Variants in URI1 observed in about 807,000 individuals in gnomAD.
The protein encoded by URI1 is URI1 prefoldin like chaperone, also known as unconventional prefoldin RPB5 interactor 1.
Under a neutral mutation model 60.2 loss-of-function variants are expected in URI1, and 39 were observed. The observed-to-expected ratio is 0.65, with a 90% CI of 0.50 to 0.85. The LOEUF (loss-of-function observed/expected upper bound fraction) is 0.85. URI1 is among the 40% of genes least tolerant of loss of function. The probability of loss-of-function intolerance (pLI) is 0.00; values close to 1 mark genes in which losing one functional copy is unlikely to be tolerated. For synonymous variants in URI1, 251 were observed against 236.8 expected (o/e 1.06, Z -0.55); for missense variants, 691 against 665.9 (o/e 1.04, Z -0.42).
At chr19:29,947,036 A>G (rs560296702) in intron 1 of URI1, among the ~76,000 whole-genome samples, 4 of 152,284 alleles carry the variant, frequency 2.6e-5, no homozygotes, top group African/African-American at 7.2e-5. Flanking sequence ...GCCATCAGAG[A>G]GGGCTTCTCT....
At chr19:29,997,242 A>G (rs916969705) in intron 4 of URI1, among the ~76,000 whole-genome samples, 4 of 152,120 alleles carry the variant, frequency 2.6e-5, no homozygotes, top group Non-Finnish European at 4.4e-5. Flanking sequence ...TCAATATGCT[A>G]CTTGTTACAA....
intron 1 of URI1, among the ~76,000 whole-genome samples, chr19:29,932,745 G>A (rs931962740): frequency 5.3e-5 from 8 of 150,716 alleles, no homozygotes; most frequent in African/African-American, 9.8e-5. Flanking sequence ...TCTGCCTCCC[G>A]GGTTCAAGCA....
rs10717602 is a variant in URI1, at chr19:29,975,500, C to CTT, written c.152+4293_152+4294dup. 1.3e-3 allele frequency among the ~76,000 whole-genome samples: 96 copies of CTT among 72,346 alleles called. 2 individuals carry two copies. The highest frequency in any genetic ancestry group is 4.8e-3 in the African/African-American group (93 of 19,558). The allele number at this position is 72,346 out of a possible 152,430, so 47.5% of individuals were successfully genotyped here. A position where few individuals can be genotyped will look rare whatever the true frequency, so the allele number is the denominator to read the frequency against. Reference sequence around the variant, plus strand: ...GTCCCCTAATTCTCAGTTCTGTTTACTTTTTTTTTTTTTTTTTTTTTGAGA... The same window carrying CTT: ...GTCCCCTAATTCTCAGTTCTGTTTACTTTTTTTTTTTTTTTTTTTTTTTGAGA... On this transcript the variant is annotated intron_variant, in intron 2 of 10. Transcript: ENST00000392271.
chr19:29,978,672 C>G (rs2055555467), intron 2 of URI1, among the ~76,000 whole-genome samples: 8 of 152,032 alleles, frequency 5.3e-5, no homozygotes, highest in Admixed American at 3.3e-4. Flanking sequence ...TCCACTATAC[C>G]AAAGACAGAT....
At chr19:29,989,798 T>C (rs1305771691) in intron 4 of URI1, among the ~76,000 whole-genome samples, 3 of 151,922 alleles carry the variant, frequency 2.0e-5, no homozygotes, top group Admixed American at 2.0e-4. Context: ...ATTCTGGATT[T>C]ATGTTAAATA....
chr19:29,996,997 C>T (rs373942987), intron 4 of URI1, among the ~76,000 whole-genome samples: 33 of 152,054 alleles, frequency 2.2e-4, no homozygotes, highest in Non-Finnish European at 4.3e-4. Flanking sequence ...AATGTGCTAC[C>T]GTATTTAGTT....
At chr19:30,006,949 C>T (rs544129784) in intron 6 of URI1, among the ~76,000 whole-genome samples, 3 of 152,076 alleles carry the variant, frequency 2.0e-5, no homozygotes, top group East Asian at 3.9e-4. Context: ...AGAGATGAGC[C>T]GCCGTTGTTT....
At chr19:29,986,211 G>T in intron 3 of URI1, 71 bp from the exon 4 acceptor site, 2 of 1,394,176 alleles carry the variant, frequency 1.4e-6, no homozygotes, top group Non-Finnish European at 1.9e-6. Context: ...CTTTTAATGC[G>T]AAGTGTTTTA....
chr19:29,934,763 C>T (rs955260343), intron 1 of URI1, among the ~76,000 whole-genome samples: 1 of 151,848 alleles, frequency 6.6e-6, no homozygotes, highest in African/African-American at 2.4e-5. Flanking sequence ...CACTATGTTG[C>T]TCAGGATAGT....
chr19:29,969,009 G>A (rs2055425586), intron 1 of URI1, among the ~76,000 whole-genome samples: 1 of 151,690 alleles, frequency 6.6e-6, no homozygotes, highest in African/African-American at 2.4e-5. Context: ...TATAAACAAA[G>A]ATAACCTAGA....
chr19:29,958,866 A>C (rs566949625), intron 1 of URI1, among the ~76,000 whole-genome samples: 39 of 151,992 alleles, frequency 2.6e-4, no homozygotes, highest in Admixed American at 7.2e-4. Context: ...AGGTTGAGGC[A>C]TGAGAATTGC....
intron 1 of URI1, among the ~76,000 whole-genome samples, chr19:29,962,080 C>T (rs778501116): frequency 3.3e-5 from 5 of 152,164 alleles, no homozygotes; most frequent in South Asian, 2.1e-4. Context: ...CTGCTTTCTC[C>T]GGTGACTGTA....
Position 29,991,343 on chromosome 19 carries a change from A to C in URI1, c.367+4926A>C, listed in dbSNP as rs151322653. 6.6e-3 allele frequency among the ~76,000 whole-genome samples: 1,008 copies of C among 152,284 alleles called. 17 individuals are homozygous for C. Among genetic ancestry groups the C allele is most frequent in the African/African-American group, 0.023 (939 of 41,554 alleles). On this transcript the variant is annotated intron_variant, in intron 4 of 10. Coordinates refer to ENST00000392271, the MANE Select transcript of URI1 (RefSeq NM_003796.3). ...TATGCGTTTTGTTAGGTTTATATCTAAGTGTTTCACCTTTTGTGGAGCTGT... is the reference window on the plus strand; with the variant it reads ...TATGCGTTTTGTTAGGTTTATATCTCAGTGTTTCACCTTTTGTGGAGCTGT...
At chr19:29,987,126 G>C (rs1201255667) in intron 4 of URI1, among the ~76,000 whole-genome samples, 1 of 152,174 alleles carries the variant, frequency 6.6e-6, no homozygotes, top group African/African-American at 2.4e-5. Context: ...ATTAGGTTCA[G>C]TTTATAATCT....
chr19:29,993,063 A>G (rs2055766206), intron 4 of URI1, among the ~76,000 whole-genome samples: 1 of 152,232 alleles, frequency 6.6e-6, no homozygotes, highest in Non-Finnish European at 1.5e-5. Flanking sequence ...TGTATCTGAC[A>G]CATTTATTTT....
intron 2 of URI1, among the ~76,000 whole-genome samples, chr19:29,972,793 A>G (rs552138892): frequency 7.2e-5 from 11 of 152,070 alleles, no homozygotes; most frequent in Admixed American, 6.6e-4. Flanking sequence ...GAAATGTGAC[A>G]TTTACTTCAT....
chr19:29,980,612 T>TTAA lies in URI1; in HGVS notation c.153-4611_153-4610insTAA, dbSNP rs1555742250. Among the ~76,000 whole-genome samples the TTAA allele has an allele frequency of 9.5e-5, 7 of 73,860 alleles. 1 individual carries two copies. The highest frequency in any genetic ancestry group is 4.9e-4 in the Admixed American group (2 of 4,082). 48.5% of individuals were successfully genotyped at this position (73,860 alleles called of 152,430 possible). A position where few individuals can be genotyped will look rare whatever the true frequency, so the allele number is the denominator to read the frequency against. On this transcript the variant is annotated intron_variant, in intron 2 of 10. Transcript: ENST00000392271. Reference sequence around the variant, plus strand: ...GAGAGTGATAGAAGATTTTTTTTCTTAAAAAAAAAAAAAAAAAAAAAAAAA... The same window carrying TTAA: ...GAGAGTGATAGAAGATTTTTTTTCTTTAAAAAAAAAAAAAAAAAAAAAAAAAAA...
chr19:29,926,673 T>C (rs2054870928), intron 1 of URI1, among the ~76,000 whole-genome samples: 1 of 152,214 alleles, frequency 6.6e-6, no homozygotes, highest in South Asian at 2.1e-4. Flanking sequence ...CTTTTCTGCA[T>C]ATGTGTTAAA....
At chr19:30,011,376 C>G (rs1249560945) in intron 9 of URI1, 140 bp downstream of exon 9, 5 of 1,107,218 alleles carry the variant, frequency 4.5e-6, no homozygotes, top group African/African-American at 1.6e-5. Context: ...AACTTAGGAT[C>G]TGATAGGCTG....
Sources: gnomAD v4.1 joint callset for allele counts (sites outside exome capture counted in the v4.1 genomes callset) on GRCh38, gnomAD v4.1.1 for gene constraint, MANE v1.5 for transcripts, NCBI Gene and HGNC (gene_info 2026-07-23, HGNC 2026-07-21) for gene names.